DST: variants seen among roughly 807,000 people sequenced by gnomAD.
The protein encoded by DST is dystonin.
In DST, 253 loss-of-function variants were observed where a neutral mutation model predicts 875.2. The ratio of observed to expected loss-of-function variants is 0.29; its 90% CI spans 0.26 to 0.32. The LOEUF (loss-of-function observed/expected upper bound fraction) is 0.32, where lower values mean the gene tolerates loss of function less well. Ranked by LOEUF, DST falls within the 10% of genes least tolerant of loss-of-function variation. The pLI is 1.00. For synonymous variants in DST, 3,124 were observed against 3,197.1 expected (o/e 0.98, Z 0.77); for missense variants, 8,287 against 9,111.6 (o/e 0.91, Z 3.68).
chr6:56,626,249 C>T (rs1353575952), intron 34 of DST, among the ~76,000 whole-genome samples: 1 of 152,080 alleles, frequency 6.6e-6, no homozygotes, highest in Non-Finnish European at 1.5e-5. Context: ...ACAGTAATGT[C>T]CTAGGCCTCT....
Position 56,552,869 on chromosome 6 carries a change from C to T in DST, c.15923G>A (p.Ser5308Asn). 6.2e-7 allele frequency: 1 copy of T among 1,613,888 alleles called. No homozygotes were observed. Among genetic ancestry groups the T allele is most frequent in the Non-Finnish European group, 8.5e-7 (1 of 1,179,890 alleles). ...IHDSLGSQAY[S>N]NKYLTMLQTQ... ...TTGCAACATGGTCAGGTATTTGTTACTGTAAGCCTGGGATCCCAGCGAATC... is the reference window on the plus strand; with the variant it reads ...TTGCAACATGGTCAGGTATTTGTTATTGTAAGCCTGGGATCCCAGCGAATC... The change falls in exon 61 of 104, where the codon AGT (serine) becomes AAT (asparagine). Residue 5308 changes from serine to asparagine, a missense_variant. Transcript: ENST00000680361.
intron 3 of DST, among the ~76,000 whole-genome samples, chr6:56,882,853 T>G (rs1206046435): frequency 6.6e-6 from 1 of 152,194 alleles, no homozygotes; most frequent in Non-Finnish European, 1.5e-5. Context: ...TCAAGCAATG[T>G]GATAGCATGT....
At chr6:56,507,871 G>C (rs182766490) in intron 75 of DST, among the ~76,000 whole-genome samples, 1 of 152,264 alleles carries the variant, frequency 6.6e-6, no homozygotes, top group East Asian at 1.9e-4. Flanking sequence ...AGTAAGAGCA[G>C]ATCTAGAGAG....
At chr6:56,692,557 T>A in intron 9 of DST, 1 of 1,289,774 alleles carries the variant, frequency 7.8e-7, no homozygotes, top group African/African-American at 1.5e-5. Flanking sequence ...AAACCCACTT[T>A]TTTCGAGTGA....
Position 56,506,439 on chromosome 6 carries a change from T to C in DST, c.19464+4A>G. On this transcript the variant is annotated splice_donor_region_variant and intron_variant, in intron 77 of 103. Transcript: ENST00000680361. ...GACCAGCACATACACTGTAATCCCCTTACCTGCAGTCCATCCTGGTACTGA... is the reference window on the plus strand; with the variant it reads ...GACCAGCACATACACTGTAATCCCCCTACCTGCAGTCCATCCTGGTACTGA... 6.2e-7 allele frequency: 1 copy of C among 1,609,490 alleles called. No homozygotes were observed. Among genetic ancestry groups the C allele is most frequent in the South Asian group, 1.1e-5 (1 of 90,256 alleles).
intron 2 of DST, among the ~76,000 whole-genome samples, chr6:56,912,571 C>G (rs1799218576): frequency 6.6e-6 from 1 of 152,150 alleles, no homozygotes; most frequent in Non-Finnish European, 1.5e-5. Flanking sequence ...TCAGCATAGA[C>G]TAACGGCTAC....
chr6:56,522,301 G>A (rs1202550519), intron 69 of DST, among the ~76,000 whole-genome samples: 1 of 152,104 alleles, frequency 6.6e-6, no homozygotes, highest in East Asian at 1.9e-4. Flanking sequence ...GACTACTCAG[G>A]TAGTAAATGC....
rs559164552 is a variant in DST at position 56,688,623 on chromosome 6, G to A, written c.1047+11030C>T. Reference sequence around the variant, plus strand: ...TAGCAATTCACCAAAGGATGGAAAGGAACAGAAATGCAGTTCAATTTTCAT... The same window carrying A: ...TAGCAATTCACCAAAGGATGGAAAGAAACAGAAATGCAGTTCAATTTTCAT... On this transcript the variant is annotated intron_variant, in intron 9 of 103. Transcript: ENST00000680361. 6.6e-5 allele frequency among the ~76,000 whole-genome samples: 10 copies of A among 152,258 alleles called. No individual in the cohort carries two copies. The East Asian group carries it at 1.9e-3, about 29-fold the overall frequency.
At chr6:56,725,344 T>C (rs1490337879) in intron 5 of DST, among the ~76,000 whole-genome samples, 1 of 152,238 alleles carries the variant, frequency 6.6e-6, no homozygotes, top group African/African-American at 2.4e-5. Context: ...TTCCTGAATC[T>C]ATTTGACATT....
intron 68 of DST, 44 bp downstream of exon 68, chr6:56,527,449 T>C (rs1346745441): frequency 5.0e-6 from 8 of 1,592,844 alleles, no homozygotes; most frequent in Middle Eastern, 1.7e-4. Flanking sequence ...TAAGACTGCC[T>C]AAAAGATAAA....
At chr6:56,598,820 A>G in intron 45 of DST, 111 bp from the exon 46 acceptor site, 1 of 487,200 alleles carries the variant, frequency 2.1e-6, no homozygotes, top group Non-Finnish European at 3.4e-6. Context: ...TAGTATATGT[A>G]GCTTGAATAA....
Position 56,954,560 on chromosome 6 carries a change from G to C in DST, c.28C>G (p.Leu10Val). The C allele has an allele frequency of 1.5e-6, 2 of 1,363,604 alleles. No homozygotes were observed. Among genetic ancestry groups the C allele is most frequent in the Non-Finnish European group, 9.8e-7 (1 of 1,020,140 alleles). The allele number at this position is 1,363,604 out of a possible 1,614,324, so 84.5% of individuals were successfully genotyped here. A position where few individuals can be genotyped will look rare whatever the true frequency, so the allele number is the denominator to read the frequency against. MIAAAFLVL[L>V]RPYSIQCALF... ...GCACATTGGATGCTGTAGGGTCTCA[G>C]CAAGACGAGGAAAGCCGCGGCGATC... The change falls in exon 1 of 104, where the codon CTG (leucine) becomes GTG (valine). Residue 10 changes from leucine (L) to valine (V), a missense_variant. Transcript: ENST00000680361.
intron 4 of DST, chr6:56,843,550 T>C: frequency 6.1e-6 from 6 of 983,872 alleles, no homozygotes; most frequent in Non-Finnish European, 7.2e-6. Flanking sequence ...CTGCTGGCCC[T>C]GCACGAGGCG....
At position 56,497,974 on chromosome 6, in the gene DST, C is replaced by A. The variant is rs764753541; in HGVS notation, c.19976G>T (p.Ser6659Ile). ...NKAGNDLIES[S>I]AGEEASNLQN... ...AAGGTTGCTTGCTTCTTCTCCTGCACTTGATTCAATTAGATCATTTCCTGC... is the reference window on the plus strand; with the variant it reads ...AAGGTTGCTTGCTTCTTCTCCTGCAATTGATTCAATTAGATCATTTCCTGC... Residue 6659 changes from serine to isoleucine, a missense_variant, in exon 81 of 104, where the codon AGT (serine) becomes ATT (isoleucine). Transcript: ENST00000680361. 6.2e-7 allele frequency: 1 copy of A among 1,613,524 alleles called. No individual in the cohort carries two copies. The highest frequency in any genetic ancestry group is 8.5e-7 in the Non-Finnish European group (1 of 1,179,602).
In DST at chr6:56,508,631, C is replaced by T; in HGVS notation, c.19137G>A (p.Met6379Ile). ...TATCTTTAATGGTAACTATCAATGA[C>T]ATGTGATCACACCAGAACTTTTCTG... ...ELAEKFWCDH[M>I]SLIVTIKDTQ... The change falls in exon 75 of 104, where the codon ATG becomes ATA. Residue 6379 changes from methionine (M) to isoleucine (I), a missense_variant. Physicochemically the swap from Met to Ile is conservative, Grantham distance 10. Transcript: ENST00000680361. 8 of 1,613,848 alleles carry T rather than the reference C, an allele frequency of 5.0e-6. No individual in the cohort carries two copies. Among genetic ancestry groups the T allele is most frequent in the Non-Finnish European group, 6.8e-6 (8 of 1,179,776 alleles).
At chr6:56,516,059 T>C (rs570087829) in intron 71 of DST, among the ~76,000 whole-genome samples, 53 of 151,850 alleles carry the variant, frequency 3.5e-4, no homozygotes, top group South Asian at 6.2e-4. Flanking sequence ...ATTATATATA[T>C]ACACACACAC....
At chr6:56,595,160 C>T (rs368865522) in intron 47 of DST, among the ~76,000 whole-genome samples, 5 of 152,310 alleles carry the variant, frequency 3.3e-5, no homozygotes, top group South Asian at 4.1e-4. Context: ...ATGACCCGCT[C>T]CCATTACCCC....
At chr6:56,904,629 G>A (rs1209411298) in intron 2 of DST, among the ~76,000 whole-genome samples, 2 of 151,936 alleles carry the variant, frequency 1.3e-5, no homozygotes, top group Admixed American at 6.6e-5. Flanking sequence ...AACGATGACC[G>A]TTCACCTTTA....
intron 4 of DST, among the ~76,000 whole-genome samples, chr6:56,799,992 A>G (rs1257463036): frequency 6.6e-6 from 1 of 152,202 alleles, no homozygotes; most frequent in Non-Finnish European, 1.5e-5. Flanking sequence ...CACACTTAAT[A>G]GACTACAATA....
Sources: allele counts gnomAD v4.1 joint callset (sites outside exome capture counted in the v4.1 genomes callset), GRCh38; gene constraint gnomAD v4.1.1; transcripts MANE v1.5; gene names NCBI Gene and HGNC (gene_info 2026-07-23, HGNC 2026-07-21).